The following PHF20L1 variants were observed in gnomAD, a reference collection of about 807,000 sequenced individuals.
PHF20L1 encodes PHD finger protein 20 like 1, also known as PHD finger protein 20-like protein 1.
Under a neutral mutation model 125.5 loss-of-function variants are expected in PHF20L1, and 44 were observed. The ratio of observed to expected loss-of-function variants is 0.35; its 90% confidence interval spans 0.28 to 0.45. The LOEUF is 0.45. Ranked by LOEUF, PHF20L1 falls within the 20% of genes least tolerant of loss-of-function variation. The probability of loss-of-function intolerance (pLI) is 1.00; values close to 1 mark genes in which losing one functional copy is unlikely to be tolerated. For synonymous variants in PHF20L1, 380 were observed against 403.1 expected, an observed-to-expected ratio of 0.94 and a Z score of 0.69; for missense variants, 1,012 against 1,217.2, an observed-to-expected ratio of 0.83 and a Z score of 2.51.
chr8:132,794,841 A>T (rs201913308), intron 4 of PHF20L1, 24 bp downstream of exon 4: 45 of 1,432,582 alleles, frequency 3.1e-5, no homozygotes, highest in Non-Finnish European at 3.9e-5. Context: ...ATGATCTGAG[A>T]CTTAAAATTA....
chr8:132,802,167 T>G (rs1483306709), intron 6 of PHF20L1, among the ~76,000 whole-genome samples: 4 of 150,732 alleles, frequency 2.7e-5, no homozygotes, highest in African/African-American at 9.7e-5. Context: ...TCATTGATGG[T>G]GCTTTCTTTT....
intron 17 of PHF20L1, 52 bp downstream of exon 17, chr8:132,837,863 A>G (rs769357812): frequency 1.6e-6 from 2 of 1,224,674 alleles, no homozygotes; most frequent in South Asian, 1.2e-5. Flanking sequence ...TGTCTCCTCC[A>G]GGATTCCAGA....
chr8:132,836,836 CTTA>C, intron 16 of PHF20L1, 115 bp downstream of exon 16: 1 of 731,922 alleles, frequency 1.4e-6, no homozygotes. Context: ...TGGTTTCTAA[CTTA>C]CTGTGTGGAA....
intron 4 of PHF20L1, among the ~76,000 whole-genome samples, chr8:132,797,705 C>T (rs944879507): frequency 3.3e-5 from 5 of 151,722 alleles, no homozygotes; most frequent in African/African-American, 7.3e-5. Context: ...TGAAATTCAA[C>T]GTTAGGCTAA....
At chr8:132,810,086 C>T (rs185394900) in intron 8 of PHF20L1, 1 of 151,458 alleles carries the variant, frequency 6.6e-6, no homozygotes, top group East Asian at 1.9e-4. Context: ...GCTCTGCCAC[C>T]TAGGGTGGAG....
In PHF20L1 at chr8:132,839,341, CGAGT is replaced by C. The variant is rs777307071; in HGVS notation, c.2192-45_2192-42del. The C allele has an allele frequency of 2.8e-6, 4 of 1,447,838 alleles. No homozygotes were observed. In the African/African-American group the frequency reaches 4.2e-5, roughly 15 times the overall value. The allele number at this position is 1,447,838 out of a possible 1,614,324, so 89.7% of individuals were successfully genotyped here. A position where few individuals can be genotyped will look rare whatever the true frequency, so the allele number is the denominator to read the frequency against. Reference sequence around the variant, plus strand: ...GTAGGTTAGCAGTTGATGAAAAATCCGAGTAAGTGCAGTCCTCTGTGATTTAATA... The same window carrying C: ...GTAGGTTAGCAGTTGATGAAAAATCCAAGTGCAGTCCTCTGTGATTTAATA... On this transcript the variant is annotated intron_variant, in intron 17 of 20. Transcript: ENST00000395386.
chr8:132,842,707 G>A lies in PHF20L1; in HGVS notation c.2580G>A (p.Glu860=), dbSNP rs749501379. 1 of 1,613,306 alleles carries A rather than the reference G, an allele frequency of 6.2e-7. No homozygotes were observed. Among genetic ancestry groups the A allele is most frequent in the Non-Finnish European group, 8.5e-7 (1 of 1,179,590 alleles). The change falls in exon 19 of 21, where the codon GAG becomes GAA. Residue 860 remains glutamate, a synonymous_variant. Transcript: ENST00000395386. ...TGGAAGGAACTTATATAACAAGTGA[G>A]CATAGCTATCAAAAGCCACAAAGTT... The part of the protein sequence containing the change: ...LKMEGTYITS[E]HSYQKPQSFG...
chr8:132,811,405 C>T, intron 9 of PHF20L1: 2 of 1,085,262 alleles, frequency 1.8e-6, no homozygotes, highest in African/African-American at 1.6e-5. Context: ...GCTGGATCAC[C>T]TTTAACTAGC....
intron 14 of PHF20L1, among the ~76,000 whole-genome samples, chr8:132,831,093 T>C (rs1056165421): frequency 6.6e-6 from 1 of 152,064 alleles, no homozygotes; most frequent in African/African-American, 2.4e-5. Context: ...CCCACTTCTA[T>C]GTGTGCCTTC....
At chr8:132,781,680 C>T (rs1830447111) in intron 2 of PHF20L1, among the ~76,000 whole-genome samples, 1 of 152,298 alleles carries the variant, frequency 6.6e-6, no homozygotes, top group Admixed American at 6.5e-5. Context: ...ATGTGCCTGC[C>T]TCAGTCCCCC....
At position 132,821,538 on chromosome 8, in the gene PHF20L1, C is replaced by T. The variant is rs150145422; in HGVS notation, c.1580-2466C>T. 5.0e-3 allele frequency among the ~76,000 whole-genome samples: 761 copies of T among 152,010 alleles called. 2 individuals are homozygous for T. Among genetic ancestry groups the T allele is most frequent in the Non-Finnish European group, 7.8e-3 (531 of 67,928 alleles). On this transcript the variant is annotated intron_variant, in intron 12 of 20. Transcript: ENST00000395386. ...TGTTTTTCAGTTTATTTTCCAGATT[C>T]GTTCAAAACAAAACTACAGCTGGAG...
At chr8:132,825,012 C>G (rs748752477) in intron 13 of PHF20L1, 1 of 1,408,734 alleles carries the variant, frequency 7.1e-7, no homozygotes, top group Non-Finnish European at 9.6e-7. Flanking sequence ...AAGGTTTTAA[C>G]TACTGTCTGT....
intron 2 of PHF20L1, chr8:132,788,876 G>A (rs1831356335): frequency 6.6e-6 from 1 of 151,984 alleles, no homozygotes. Flanking sequence ...TGTGAATGTG[G>A]ACCACTTTGA....
chr8:132,785,207 C>G (rs1414022979), intron 2 of PHF20L1, among the ~76,000 whole-genome samples: 1 of 152,152 alleles, frequency 6.6e-6, no homozygotes, highest in Admixed American at 6.5e-5. Context: ...TTACATCATT[C>G]CTGCCGAATG....
intron 13 of PHF20L1, 121 bp from the exon 14 acceptor site, chr8:132,825,143 A>G (rs764497732): frequency 1.9e-6 from 3 of 1,552,588 alleles, no homozygotes; most frequent in Non-Finnish European, 2.6e-6. Context: ...AATTGAACCC[A>G]TCCACTCTGG....
chr8:132,804,793 A>C, intron 8 of PHF20L1, 53 bp downstream of exon 8: 1 of 1,440,168 alleles, frequency 6.9e-7, no homozygotes, highest in Non-Finnish European at 9.5e-7. Flanking sequence ...GTTTAATTTT[A>C]GAGTAATTTA....
chr8:132,821,617 G>A (rs1835605911), intron 12 of PHF20L1, among the ~76,000 whole-genome samples: 1 of 151,924 alleles, frequency 6.6e-6, no homozygotes, highest in African/African-American at 2.4e-5. Flanking sequence ...CAGAGCCTGG[G>A]GTTTCTATGG....
chr8:132,833,505 T>G (rs548303146), intron 15 of PHF20L1, among the ~76,000 whole-genome samples: 31 of 152,176 alleles, frequency 2.0e-4, no homozygotes, highest in African/African-American at 6.7e-4. Context: ...CTGCGGTTCT[T>G]CTAAACTATA....
At chr8:132,782,137 C>T (rs1830500306) in intron 2 of PHF20L1, among the ~76,000 whole-genome samples, 1 of 152,066 alleles carries the variant, frequency 6.6e-6, no homozygotes, top group Non-Finnish European at 1.5e-5. Flanking sequence ...AAGGTAGTAA[C>T]ATCATAAGAA....
Sources: gnomAD v4.1 joint callset for allele counts (sites outside exome capture counted in the v4.1 genomes callset) on GRCh38, gnomAD v4.1.1 for gene constraint, MANE v1.5 for transcripts, NCBI Gene and HGNC (gene_info 2026-07-23, HGNC 2026-07-21) for gene names.